The following POLN variants were observed in gnomAD, a reference collection of about 807,000 sequenced individuals.
POLN encodes the protein DNA polymerase nu.
In POLN, 108 loss-of-function variants were observed where a neutral mutation model predicts 113.5. The ratio of observed to expected loss-of-function variants is 0.95; its 90% CI spans 0.81 to 1.12. POLN has a LOEUF of 1.12. Among genes scored for constraint, POLN ranks in the 50% most tolerant of loss-of-function variants. The probability of loss-of-function intolerance (pLI) is 0.00; values close to 1 mark genes in which losing one functional copy is unlikely to be tolerated. For synonymous variants in POLN, 386 were observed against 391.5 expected (o/e 0.99, Z 0.17); for missense variants, 1,097 against 1,077.1 (o/e 1.02, Z -0.26).
intron 3 of POLN, 68 bp downstream of exon 3, chr4:2,229,031 T>G: frequency 1.4e-6 from 2 of 1,456,030 alleles, no homozygotes; most frequent in Non-Finnish European, 1.9e-6. Flanking sequence ...CCATTTTCAA[T>G]TCTTAGTCTT....
intron 20 of POLN, chr4:2,090,243 A>AACCTCT: frequency 2.5e-6 from 2 of 802,250 alleles, no homozygotes; most frequent in East Asian, 2.4e-5. Context: ...CAAATTCTAC[A>AACCTCT]TGCTATCTTG....
intron 19 of POLN, among the ~76,000 whole-genome samples, chr4:2,109,509 C>T (rs1475330172): frequency 1.3e-5 from 2 of 152,104 alleles, no homozygotes; most frequent in Admixed American, 6.5e-5. Flanking sequence ...AATGTAAATT[C>T]GATTTCACTC....
At chr4:2,157,511 C>T (rs552713907) in intron 15 of POLN, among the ~76,000 whole-genome samples, 49 of 151,978 alleles carry the variant, frequency 3.2e-4, no homozygotes, top group African/African-American at 9.6e-4. Flanking sequence ...CAGATCACGA[C>T]GTAAGAGTTT....
intron 19 of POLN, among the ~76,000 whole-genome samples, chr4:2,119,524 C>G (rs1731393277): frequency 6.6e-6 from 1 of 152,160 alleles, no homozygotes; most frequent in Non-Finnish European, 1.5e-5. Context: ...GTCTCAGCAC[C>G]AGTCTCTCAA....
chr4:2,171,154 C>T lies in POLN; in HGVS notation c.1402G>A (p.Ala468Thr). ...GARLKELEQE[A>T]HFVAGERFLI... ...AACCGTTCTCCTGCAACAAAATGAG[C>T]TTCTTGCTCCAATTCCTTGAGACGA... is the stretch of plus-strand genomic sequence containing the variant. Residue 468 changes from alanine (A) to threonine (T), a missense_variant, in exon 12 of 26, where the codon GCT becomes ACT. Transcript: ENST00000511885. The T allele has an allele frequency of 1.9e-6, 3 of 1,613,724 alleles. No homozygotes were observed. Among genetic ancestry groups the T allele is most frequent in the Non-Finnish European group, 2.5e-6 (3 of 1,179,882 alleles).
At chr4:2,080,242 G>C in intron 23 of POLN, 3 of 987,852 alleles carry the variant, frequency 3.0e-6, no homozygotes, top group Non-Finnish European at 3.6e-6. Context: ...GCAAGGAGGA[G>C]GTGGCTGGGC....
chr4:2,104,184 G>A (rs1422501970), intron 19 of POLN, among the ~76,000 whole-genome samples: 2 of 152,122 alleles, frequency 1.3e-5, no homozygotes, highest in Admixed American at 6.5e-5. Context: ...AATATGACAG[G>A]AACAAAACCT....
At chr4:2,238,879 C>A (rs760223352) in intron 2 of POLN, 1 of 1,612,994 alleles carries the variant, frequency 6.2e-7, no homozygotes, top group African/African-American at 1.3e-5. Context: ...TAGCAATCTG[C>A]AGATCAAAAT....
chr4:2,107,764 G>C (rs948843273), intron 19 of POLN, among the ~76,000 whole-genome samples: 4 of 152,218 alleles, frequency 2.6e-5, no homozygotes, highest in Non-Finnish European at 5.9e-5. Context: ...CAGACCCACT[G>C]AGTTTGAAAT....
chr4:2,166,844 G>C (rs764074058), intron 13 of POLN, among the ~76,000 whole-genome samples: 14 of 152,046 alleles, frequency 9.2e-5, no homozygotes, highest in African/African-American at 1.4e-4. Flanking sequence ...CAGCTTCCCT[G>C]GGTCTCCAGC....
intron 2 of POLN, 71 bp downstream of exon 2, chr4:2,241,449 T>C (rs1458341103): frequency 1.2e-5 from 12 of 971,540 alleles, no homozygotes; most frequent in Non-Finnish European, 1.5e-5. Context: ...CAGCCTCTCT[T>C]CCCTGCCCTC....
intron 7 of POLN, among the ~76,000 whole-genome samples, chr4:2,186,324 C>CTG (rs1241394845): frequency 1.3e-5 from 2 of 152,162 alleles, no homozygotes; most frequent in Non-Finnish European, 2.9e-5. Flanking sequence ...GTGGTAGAGA[C>CTG]TAGCAGACAC....
chr4:2,074,737 C>T (rs375149840), intron 24 of POLN, among the ~76,000 whole-genome samples: 6 of 152,158 alleles, frequency 3.9e-5, no homozygotes, highest in South Asian at 2.1e-4. Context: ...TCTCCCAACA[C>T]GTGAAGCTGC....
Position 2,182,602 on chromosome 4 carries a change from T to C in POLN, c.1022-3137A>G, listed in dbSNP as rs138580831. On this transcript the variant is annotated intron_variant, in intron 7 of 25. Coordinates refer to ENST00000511885, the MANE Select transcript of POLN (RefSeq NM_181808.4). ...TTTGTTTTAAGCACTTAGTTTATGG[T>C]AATGTTACAGCAGACCTAGGAAACT... 7.2e-5 allele frequency among the ~76,000 whole-genome samples: 11 copies of C among 152,298 alleles called. No individual in the cohort carries two copies. The East Asian group carries it at 2.1e-3, about 29-fold the overall frequency.
rs558076906 is a variant in POLN, at chr4:2,081,460, T to C, written c.2308+173A>G. The C allele has an allele frequency of 4.9e-3, 3,313 of 670,556 alleles. 11 individuals are homozygous for C. The highest frequency in any genetic ancestry group is 7.4e-3 in the Non-Finnish European group (2,840 of 383,320). The allele number at this position is 670,556 out of a possible 1,614,324, so 41.5% of individuals were successfully genotyped here. ...CTACAAAGATGACCGTGTCCCCTCA[T>C]GCCTCCTGACAGTAACTGCCAGGCA... On this transcript the variant is annotated intron_variant, in intron 22 of 25. Transcript: ENST00000511885.
intron 20 of POLN, among the ~76,000 whole-genome samples, chr4:2,094,006 G>A (rs1730723429): frequency 6.6e-6 from 1 of 152,094 alleles, no homozygotes; most frequent in East Asian, 1.9e-4. Flanking sequence ...AAGGTGTGAG[G>A]CCCATGTGGC....
At position 2,241,746 on chromosome 4, in the gene POLN, A is replaced by G. The variant is rs1734998253; in HGVS notation, c.-239T>C. 4 of 985,496 alleles carry G rather than the reference A, an allele frequency of 4.1e-6. No homozygotes were observed. Among genetic ancestry groups the G allele is most frequent in the Non-Finnish European group, 4.8e-6 (4 of 829,942 alleles). The allele number at this position is 985,496 out of a possible 1,614,324, so 61.0% of individuals were successfully genotyped here. Reference sequence around the variant, plus strand: ...GCGATACACCAGACGCGCCAGCGGCAAAACCTTCCTTCGGAGGGTCACCCA... The same window carrying G: ...GCGATACACCAGACGCGCCAGCGGCGAAACCTTCCTTCGGAGGGTCACCCA... On this transcript the variant is annotated 5_prime_UTR_variant, in exon 2 of 26. Transcript: ENST00000511885.
chr4:2,072,126 T>C lies in POLN; in HGVS notation c.2691A>G (p.Ser897=). 6.2e-7 allele frequency: 1 copy of C among 1,610,286 alleles called. No individual in the cohort carries two copies. Among genetic ancestry groups the C allele is most frequent in the South Asian group, 1.1e-5 (1 of 91,004 alleles). ...CTGTTGCCTGGGGCTACAGACAAAA[T>C]GAAGGCGAAAAATGCAGGGGTGGGG... is the stretch of plus-strand genomic sequence containing the variant. The part of the protein sequence containing the change: ...TQPPPLHFSP[S]FCL Residue 897 remains serine (S), a synonymous_variant, in exon 26 of 26, where the codon TCA becomes TCG. Coordinates refer to ENST00000511885, the MANE Select transcript of POLN (RefSeq NM_181808.4).
At chr4:2,117,609 A>C (rs912720181) in intron 19 of POLN, among the ~76,000 whole-genome samples, 2 of 152,206 alleles carry the variant, frequency 1.3e-5, no homozygotes, top group African/African-American at 4.8e-5. Context: ...GGACAGCCAC[A>C]ATAAACACTC....
Sources: gnomAD v4.1 joint callset for allele counts (sites outside exome capture counted in the v4.1 genomes callset) on GRCh38, gnomAD v4.1.1 for gene constraint, MANE v1.5 for transcripts, NCBI Gene and HGNC (gene_info 2026-07-23, HGNC 2026-07-21) for gene names.